WDR13: variants seen among roughly 807,000 people sequenced by gnomAD.
WDR13 encodes WD repeat-containing protein 13.
WDR13 carries 1 observed loss-of-function variant against 28.6 expected under a neutral mutation model. The observed-to-expected ratio is 0.03, with a 90% CI of 0.01 to 0.17. The LOEUF is 0.17. Among genes scored for constraint, WDR13 ranks in the 10% least tolerant of loss-of-function variants. WDR13 has a pLI of 1.00. For synonymous variants in WDR13, 201 were observed against 185.9 expected, an observed-to-expected ratio of 1.08 and a Z score of -0.66; for missense variants, 264 against 469.3, an observed-to-expected ratio of 0.56 and a Z score of 4.04.
intron 5 of WDR13, 196 bp downstream of exon 5, chrX:48,599,913 T>A: frequency 1.7e-6 from 1 of 576,277 alleles, no homozygotes; most frequent in Non-Finnish European, 2.6e-6. Context: ...CTCAGAAGCC[T>A]AAGAGAGAGC....
chrX:48,598,241 G>T (rs2062156666), intron 2 of WDR13: 1 of 1,098,655 alleles, frequency 9.1e-7, no homozygotes, highest in South Asian at 2.4e-5. Context: ...GGAAAATGTG[G>T]TCAGATGTGG....
chrX:48,601,108 G>T (rs1317705635), intron 6 of WDR13, among the ~76,000 whole-genome samples: 1 of 112,027 alleles, frequency 8.9e-6, no homozygotes, highest in Non-Finnish European at 1.9e-5. Flanking sequence ...GGGGAATGCC[G>T]TTCTTGATCT....
At chrX:48,604,733 A>G in intron 9 of WDR13, 115 bp from the exon 10 acceptor site, 3 of 891,087 alleles carry the variant, frequency 3.4e-6, no homozygotes, top group Non-Finnish European at 4.6e-6. Context: ...TCCCCAAGCC[A>G]TGCTAGGACC....
rs782184920 is a variant in WDR13 at position 48,599,449 on chromosome X, G to A, written c.379G>A (p.Val127Ile). 12 of 1,209,874 alleles carry A rather than the reference G, an allele frequency of 9.9e-6. No individual in the cohort carries two copies. The highest frequency in any genetic ancestry group is 3.0e-5 in the East Asian group (1 of 33,822). ...YQLQAQMNRA[V>I]YEDRPPGSVV... ...GCTGCAGGCGCAGATGAACCGTGCC[G>A]TCTATGAGGACAGGTATGCACCAGA... Residue 127 changes from valine (V) to isoleucine (I), a missense_variant, in exon 4 of 10, where the codon GTC becomes ATC. Transcript: ENST00000376729.
In WDR13 at chrX:48,597,953, T is replaced by A; in HGVS notation, c.-39-5T>A. ...ACGCTCACATTCCAGGCCCTTGTCCTGCAGGCTGCCGCGGGCGGACACGCC... is the reference window on the plus strand; with the variant it reads ...ACGCTCACATTCCAGGCCCTTGTCCAGCAGGCTGCCGCGGGCGGACACGCC... On this transcript the variant is annotated splice_polypyrimidine_tract_variant and splice_region_variant and intron_variant, in intron 1 of 9. Coordinates refer to ENST00000376729, the MANE Select transcript of WDR13 (RefSeq NM_001347217.2). 1 of 1,164,120 alleles carries A rather than the reference T, an allele frequency of 8.6e-7. No homozygotes were observed. Among genetic ancestry groups the A allele is most frequent in the Non-Finnish European group, 1.1e-6 (1 of 871,694 alleles).
chrX:48,599,042 G>A (rs1355100699), intron 3 of WDR13, 85 bp downstream of exon 3: 1 of 1,117,283 alleles, frequency 9.0e-7, no homozygotes, highest in Admixed American at 2.7e-5. Flanking sequence ...CCTGCTCTTT[G>A]CTGGGCACTG....
chrX:48,602,490 G>A (rs1267053957), intron 8 of WDR13, among the ~76,000 whole-genome samples: 2 of 109,173 alleles, frequency 1.8e-5, no homozygotes, highest in Admixed American at 9.9e-5. Flanking sequence ...ATAGATTAGG[G>A]CTACTTAAAG....
Position 48,607,473 on chromosome X carries a change from TCC to T in WDR13, c.*2442_*2443del. 2 of 98,247 alleles carry T rather than the reference TCC, an allele frequency of 2.0e-5. No homozygotes were observed. Among genetic ancestry groups the T allele is most frequent in the African/African-American group, 7.4e-5 (2 of 27,190 alleles). The allele number at this position is 98,247 out of a possible 1,213,427, so 8.1% of individuals were successfully genotyped here. On this transcript the variant is annotated 3_prime_UTR_variant, in exon 10 of 10. Coordinates refer to ENST00000376729, the MANE Select transcript of WDR13 (RefSeq NM_001347217.2). ...GCCTCCACCTCCTGGGTTCAAGCGA[TCC>T]TCGGGCCTCAGCTTCCCGAATAGCT...
Position 48,604,472 on chromosome X carries a change from C to G in WDR13, c.1273+82C>G. On this transcript the variant is annotated intron_variant, in intron 9 of 9. Coordinates refer to ENST00000376729, the MANE Select transcript of WDR13 (RefSeq NM_001347217.2). ...TGGTGCCAACCTGGCTCAGACATCA[C>G]GACACCGATGCCCTGACTTCCTGGA... 10 of 848,391 alleles carry G rather than the reference C, an allele frequency of 1.2e-5. 1 individual carries two copies. The South Asian group carries it at 1.6e-4, about 14-fold the overall frequency. 69.9% of individuals were successfully genotyped at this position (848,391 alleles called of 1,213,427 possible).
At chrX:48,599,132 C>T (rs2062164678) in intron 3 of WDR13, 175 bp downstream of exon 3, 1 of 786,227 alleles carries the variant, frequency 1.3e-6, no homozygotes, top group Admixed American at 3.9e-5. Context: ...GGTCAGTAAA[C>T]ATATAGCAAG....
At chrX:48,604,189 C>A in intron 8 of WDR13, 83 bp from the exon 9 acceptor site, 3 of 873,512 alleles carry the variant, frequency 3.4e-6, no homozygotes, top group South Asian at 2.2e-5. Context: ...AGAACTTAGG[C>A]ACAGGGGTGG....
chrX:48,602,676 C>G (rs1207998841), intron 8 of WDR13, among the ~76,000 whole-genome samples: 1 of 109,042 alleles, frequency 9.2e-6, no homozygotes, highest in Non-Finnish European at 1.9e-5. Flanking sequence ...CTGGGCCCCT[C>G]TACAGGCCAG....
In WDR13 at chrX:48,600,355, G is replaced by T; in HGVS notation, c.560G>T (p.Arg187Leu). 8.3e-7 allele frequency: 1 copy of T among 1,205,923 alleles called. No homozygotes were observed. Among genetic ancestry groups the T allele is most frequent in the Non-Finnish European group, 1.1e-6 (1 of 894,345 alleles). The change falls in exon 6 of 10, where the codon CGC becomes CTC. Residue 187 changes from arginine to leucine, a missense_variant. This residue lies in a region of WDR13 where 157 missense variants were observed against 270.2 expected (regional missense o/e 0.58). Transcript: ENST00000376729. ...CGCTTCGCCAATGATGACCGACACC[G>T]CCTGGCCTGCTGCTCACTCGACGGC... ...RVRFANDDRH[R>L]LACCSLDGSI...
chrX:48,602,099 T>G lies in WDR13; in HGVS notation c.1047T>G (p.His349Gln). The G allele has an allele frequency of 8.3e-7, 1 of 1,211,794 alleles. No individual in the cohort carries two copies. The highest frequency in any genetic ancestry group is 1.8e-5 in the South Asian group (1 of 56,987). Residue 349 changes from histidine (H) to glutamine (Q), a missense_variant, in exon 8 of 10, where the codon CAT (histidine) becomes CAG (glutamine). His to Gln is a conservative substitution (Grantham distance 24). Around this residue, in one of 4 missense-constraint regions of WDR13, gnomAD observed 157 missense variants for 270.2 expected, o/e 0.58. Coordinates refer to ENST00000376729, the MANE Select transcript of WDR13 (RefSeq NM_001347217.2). ...KLTKAKRLVV[H>Q]EGSPVTSISA... ...CCAAAGCCAAGCGTTTGGTGGTGCATGAGGGGAGCCCTGTGACCAGCATCT... is the reference window on the plus strand; with the variant it reads ...CCAAAGCCAAGCGTTTGGTGGTGCAGGAGGGGAGCCCTGTGACCAGCATCT...
At position 48,598,925 on chromosome X, in the gene WDR13, C is replaced by G; in HGVS notation, c.250C>G (p.Arg84Gly). ...TCGTGCCTATAGCAACAGCATCGTCCGCAGTAGCCGCACTACTCTTGACCG... is the reference window on the plus strand; with the variant it reads ...TCGTGCCTATAGCAACAGCATCGTCGGCAGTAGCCGCACTACTCTTGACCG... ...SARAYSNSIVRSSRTTLDRME... is the reference protein window; with the variant it reads ...SARAYSNSIVGSSRTTLDRME... The change falls in exon 3 of 10, where the codon CGC becomes GGC. Residue 84 changes from arginine to glycine, a missense_variant. Transcript: ENST00000376729. 2 of 1,207,342 alleles carry G rather than the reference C, an allele frequency of 1.7e-6. No individual in the cohort carries two copies. Among genetic ancestry groups the G allele is most frequent in the Non-Finnish European group, 2.2e-6 (2 of 893,571 alleles).
rs1015818828 is a variant in WDR13, at chrX:48,607,932, C to T, written c.*2900C>T. The T allele has an allele frequency of 1.8e-5, 2 of 108,193 alleles. No individual in the cohort carries two copies. Among genetic ancestry groups the T allele is most frequent in the Admixed American group, 2.0e-4 (2 of 9,986 alleles). 8.9% of individuals were successfully genotyped at this position (108,193 alleles called of 1,213,427 possible). On this transcript the variant is annotated 3_prime_UTR_variant, in exon 10 of 10. Coordinates refer to ENST00000376729, the MANE Select transcript of WDR13 (RefSeq NM_001347217.2). ...TACAGGCGCCTGCCACCACCACGCCCAGCTAATTTTTGTATTTTTAGTAGA... is the reference window on the plus strand; with the variant it reads ...TACAGGCGCCTGCCACCACCACGCCTAGCTAATTTTTGTATTTTTAGTAGA...
intron 8 of WDR13, 31 bp downstream of exon 8, chrX:48,602,237 G>A (rs235841): frequency 8.4e-7 from 1 of 1,195,699 alleles, no homozygotes; most frequent in Non-Finnish European, 1.1e-6. Context: ...TCCTGGAGAC[G>A]GAGGACCTGC....
At chrX:48,597,769 CTG>C (rs2062152439) in intron 1 of WDR13, 155 bp downstream of exon 1, 2 of 451,615 alleles carry the variant, frequency 4.4e-6, no homozygotes, top group African/African-American at 2.6e-5. Flanking sequence ...TTCTGAATCG[CTG>C]TGTGTCACCC....
Position 48,602,848 on chromosome X carries a change from A to C in WDR13, c.1154+642A>C, listed in dbSNP as rs185592634. Among the ~76,000 whole-genome samples, 62 of 110,389 alleles carry C rather than the reference A, an allele frequency of 5.6e-4. No individual in the cohort carries two copies. In the East Asian group the frequency reaches 0.016, roughly 29 times the overall value. ...AACAATTTCTGTATATATACTTAAC[A>C]ATTTTTTAATTTAAGCGTACCCTTA... On this transcript the variant is annotated intron_variant, in intron 8 of 9. Coordinates refer to ENST00000376729, the MANE Select transcript of WDR13 (RefSeq NM_001347217.2).
Sources: gnomAD v4.1 joint callset for allele counts (sites outside exome capture counted in the v4.1 genomes callset) on GRCh38, gnomAD v4.1.1 for gene constraint, gnomAD v4.1.1 regional missense constraint, MANE v1.5 for transcripts, NCBI Gene and HGNC (gene_info 2026-07-23, HGNC 2026-07-21) for gene names.